Variants in MEOX2 observed in about 807,000 individuals in gnomAD.
MEOX2 encodes the protein mesenchyme homeobox 2, also known as homeobox protein MOX-2.
Under a neutral mutation model 27.0 loss-of-function variants are expected in MEOX2, and 11 were observed. The observed-to-expected ratio is 0.41, with a 90% CI of 0.26 to 0.68. MEOX2 has a LOEUF of 0.68. Ranked by LOEUF, MEOX2 falls within the 30% of genes least tolerant of loss-of-function variation. MEOX2 has a pLI of 0.33. For missense variants in MEOX2, 436 were observed against 385.4 expected, an observed-to-expected ratio of 1.13 and a Z score of -1.10; for synonymous variants, 189 against 155.4, an observed-to-expected ratio of 1.22 and a Z score of -1.61.
intron 1 of MEOX2, among the ~76,000 whole-genome samples, chr7:15,635,135 C>G (rs971835751): frequency 6.6e-6 from 1 of 151,954 alleles, no homozygotes; most frequent in African/African-American, 2.4e-5. Context: ...TACAAACCGT[C>G]TATTTCCACC....
At chr7:15,684,905 T>C (rs2115400337) in intron 1 of MEOX2, among the ~76,000 whole-genome samples, 1 of 152,376 alleles carries the variant, frequency 6.6e-6, no homozygotes, top group South Asian at 2.1e-4. Context: ...TCTGGAAACT[T>C]TGAGTTTCTC....
chr7:15,628,509 C>T (rs1211549342), intron 1 of MEOX2, among the ~76,000 whole-genome samples: 3 of 152,124 alleles, frequency 2.0e-5, no homozygotes, highest in Non-Finnish European at 2.9e-5. Context: ...CGTTTCTGGG[C>T]TTGTCACTTA....
rs1369536115 is a variant in MEOX2 at position 15,682,053 on chromosome 7, C to T, written c.517+3833G>A. On this transcript the variant is annotated intron_variant, in intron 1 of 2. Coordinates refer to ENST00000262041, the MANE Select transcript of MEOX2 (RefSeq NM_005924.5). Reference sequence around the variant, plus strand: ...AGAGCCCTCATGTAGGTCAATGATACTTAGAATTTTTTATGTCAGATTACC... The same window carrying T: ...AGAGCCCTCATGTAGGTCAATGATATTTAGAATTTTTTATGTCAGATTACC... 2.6e-5 allele frequency: 4 copies of T among 151,736 alleles called. No homozygotes were observed. In the South Asian group the frequency reaches 6.2e-4, roughly 24 times the overall value. The allele number at this position is 151,736 out of a possible 1,614,324, so 9.4% of individuals were successfully genotyped here. A position where few individuals can be genotyped will look rare whatever the true frequency, so the allele number is the denominator to read the frequency against.
chr7:15,647,390 T>C (rs1041792084), intron 1 of MEOX2, among the ~76,000 whole-genome samples: 1 of 152,136 alleles, frequency 6.6e-6, no homozygotes, highest in African/African-American at 2.4e-5. Flanking sequence ...TCCAGACATA[T>C]GGCTGCAAGC....
chr7:15,684,662 A>G (rs959630522), intron 1 of MEOX2, among the ~76,000 whole-genome samples: 3 of 152,264 alleles, frequency 2.0e-5, no homozygotes, highest in Non-Finnish European at 4.4e-5. Flanking sequence ...CACGATCAAC[A>G]TTTTTCCAAT....
At position 15,677,737 on chromosome 7, in the gene MEOX2, G is replaced by C. The variant is rs1244432777; in HGVS notation, c.517+8149C>G. The C allele has an allele frequency of 2.6e-5, 4 of 152,042 alleles. No homozygotes were observed. In the East Asian group the frequency reaches 7.7e-4, roughly 29 times the overall value. The allele number at this position is 152,042 out of a possible 1,614,324, so 9.4% of individuals were successfully genotyped here. On this transcript the variant is annotated intron_variant, in intron 1 of 2. Transcript: ENST00000262041. ...CCCTGGGGGATTCATCATTTCCTGT[G>C]GTTTCCCTACATTCTACTCACCATC...
At chr7:15,649,721 C>T (rs537168460) in intron 1 of MEOX2, among the ~76,000 whole-genome samples, 12 of 152,114 alleles carry the variant, frequency 7.9e-5, no homozygotes, top group Admixed American at 6.6e-4. Flanking sequence ...CGAAGTTGAA[C>T]ATTTTTGAGC....
At chr7:15,643,394 T>C (rs1472183780) in intron 1 of MEOX2, among the ~76,000 whole-genome samples, 1 of 152,150 alleles carries the variant, frequency 6.6e-6, no homozygotes, top group Admixed American at 6.5e-5. Context: ...GTACAAGCAC[T>C]GACCTTGGTC....
At chr7:15,649,037 A>G (rs1294941008) in intron 1 of MEOX2, among the ~76,000 whole-genome samples, 5 of 152,106 alleles carry the variant, frequency 3.3e-5, no homozygotes, top group Admixed American at 6.6e-5. Context: ...CTGAGTAACA[A>G]AGCAAGTCAC....
At chr7:15,649,192 C>T (rs936488648) in intron 1 of MEOX2, among the ~76,000 whole-genome samples, 9 of 152,210 alleles carry the variant, frequency 5.9e-5, no homozygotes, top group African/African-American at 2.2e-4. Flanking sequence ...TTAACTACCA[C>T]ATGAATTCCA....
chr7:15,645,457 G>A lies in MEOX2; in HGVS notation c.518-18539C>T, dbSNP rs140074114. ...CCGAAATGTAAAAGTATAGACATGG[G>A]CTCATACCAGTGAAAAGAAACACCA... On this transcript the variant is annotated intron_variant, in intron 1 of 2. Coordinates refer to ENST00000262041, the MANE Select transcript of MEOX2 (RefSeq NM_005924.5). 1.7e-4 allele frequency among the ~76,000 whole-genome samples: 26 copies of A among 152,190 alleles called. No individual in the cohort carries two copies. The East Asian group carries it at 2.1e-3, about 12-fold the overall frequency.
At chr7:15,613,391 A>G (rs1248958617) in intron 2 of MEOX2, among the ~76,000 whole-genome samples, 2 of 54,220 alleles carry the variant, frequency 3.7e-5, no homozygotes, top group African/African-American at 1.5e-4. Flanking sequence ...ATATGTATTA[A>G]AAACAAAAAA....
chr7:15,667,658 A>T (rs368923196), intron 1 of MEOX2, among the ~76,000 whole-genome samples: 2 of 152,252 alleles, frequency 1.3e-5, no homozygotes, highest in African/African-American at 4.8e-5. Context: ...ATGAATAACC[A>T]TTTATGAAAA....
intron 1 of MEOX2, among the ~76,000 whole-genome samples, chr7:15,638,454 T>A (rs1781516177): frequency 6.6e-6 from 1 of 152,190 alleles, no homozygotes; most frequent in Admixed American, 6.5e-5. Flanking sequence ...GCATTTAGTC[T>A]AATTCATGCA....
At chr7:15,677,008 T>C (rs1782205606) in intron 1 of MEOX2, among the ~76,000 whole-genome samples, 1 of 152,272 alleles carries the variant, frequency 6.6e-6, no homozygotes, top group East Asian at 1.9e-4. Context: ...AATGGAAATC[T>C]TAAGGGTGGG....
At chr7:15,680,094 G>C (rs1782268396) in intron 1 of MEOX2, 1 of 151,580 alleles carries the variant, frequency 6.6e-6, no homozygotes, top group African/African-American at 2.4e-5. Flanking sequence ...AAATATAGAG[G>C]AAAATTAAAA....
chr7:15,685,797 C>T, intron 1 of MEOX2, 89 bp downstream of exon 1: 1 of 1,482,438 alleles, frequency 6.7e-7, no homozygotes, highest in Non-Finnish European at 9.0e-7. Context: ...TCCCTGCTGC[C>T]ACCCTCCAGT....
At chr7:15,620,338 G>A (rs1293252076) in intron 2 of MEOX2, among the ~76,000 whole-genome samples, 1 of 152,192 alleles carries the variant, frequency 6.6e-6, no homozygotes, top group Non-Finnish European at 1.5e-5. Context: ...AACTCATGGA[G>A]ACATAATTAG....
At chr7:15,659,732 C>A (rs914056723) in intron 1 of MEOX2, among the ~76,000 whole-genome samples, 5 of 141,474 alleles carry the variant, frequency 3.5e-5, no homozygotes, top group African/African-American at 1.4e-4. Flanking sequence ...TGCACTCCAG[C>A]CTGGGTGACA....
Sources: allele counts gnomAD v4.1 joint callset (sites outside exome capture counted in the v4.1 genomes callset), GRCh38; gene constraint gnomAD v4.1.1; transcripts MANE v1.5; gene names NCBI Gene and HGNC (gene_info 2026-07-23, HGNC 2026-07-21).